RGL1: variants seen among roughly 807,000 people sequenced by gnomAD.
RGL1 encodes the protein ral guanine nucleotide dissociation stimulator-like 1.
Under a neutral mutation model 95.2 loss-of-function variants are expected in RGL1, and 24 were observed. That is an observed-to-expected ratio of 0.25 (90% confidence interval 0.18 to 0.35). RGL1 has a LOEUF of 0.35. RGL1 is among the 10% of genes least tolerant of loss of function. The pLI, the probability that RGL1 is intolerant of heterozygous loss-of-function variation, is 1.00. For missense variants in RGL1, 715 were observed against 936.3 expected, an observed-to-expected ratio of 0.76 and a Z score of 3.08; for synonymous variants, 329 against 344.9, an observed-to-expected ratio of 0.95 and a Z score of 0.51.
chr1:183,830,144 T>G (rs771403429), intron 2 of RGL1, among the ~76,000 whole-genome samples: 1 of 152,202 alleles, frequency 6.6e-6, no homozygotes, highest in Non-Finnish European at 1.5e-5. Context: ...CCTCCACTTA[T>G]GAGGATTTAA....
chr1:183,797,231 C>A (rs1040131542), intron 2 of RGL1, among the ~76,000 whole-genome samples: 1 of 151,968 alleles, frequency 6.6e-6, no homozygotes, highest in African/African-American at 2.4e-5. Flanking sequence ...TGGGAAGCTG[C>A]GGCAGGAGAA....
intron 1 of RGL1, among the ~76,000 whole-genome samples, chr1:183,699,642 GTGCAGGC>G (rs1182436565): frequency 6.6e-6 from 1 of 151,982 alleles, no homozygotes; most frequent in Non-Finnish European, 1.5e-5. Context: ...TCAATCGTAT[GTGCAGGC>G]TGCCTCTGAT....
chr1:183,843,857 C>A (rs964735241), intron 2 of RGL1, among the ~76,000 whole-genome samples: 2 of 151,770 alleles, frequency 1.3e-5, no homozygotes, highest in African/African-American at 4.8e-5. Context: ...GATGGAGTCT[C>A]GCTCTGTTGC....
At position 183,916,562 on chromosome 1, in the gene RGL1, A is replaced by G. The variant is rs752362845; in HGVS notation, c.1865A>G (p.Lys622Arg). The change falls in exon 16 of 18, where the codon AAA (lysine) becomes AGA (arginine). Residue 622 changes from lysine (K) to arginine (R), a missense_variant. Around this residue, in one of 3 missense-constraint regions of RGL1, gnomAD observed 330 missense variants for 429.6 expected, o/e 0.77. Transcript: ENST00000360851. ...SSPPSCNNNPKIHKRSVSVTS... is the reference protein window; with the variant it reads ...SSPPSCNNNPRIHKRSVSVTS... ...CCTCCGTCCTGCAACAACAACCCCAAAATCCACAAGCGCTCTGTCTCGGTG... is the reference window on the plus strand; with the variant it reads ...CCTCCGTCCTGCAACAACAACCCCAGAATCCACAAGCGCTCTGTCTCGGTG... 4 of 1,612,830 alleles carry G rather than the reference A, an allele frequency of 2.5e-6. No homozygotes were observed. Among genetic ancestry groups the G allele is most frequent in the East Asian group, 2.2e-5 (1 of 44,800 alleles).
intron 2 of RGL1, among the ~76,000 whole-genome samples, chr1:183,775,295 T>C (rs1402604445): frequency 6.6e-6 from 1 of 152,230 alleles, no homozygotes; most frequent in African/African-American, 2.4e-5. Context: ...TCTTGTACAG[T>C]AGAGAAACTT....
At chr1:183,861,205 T>C (rs1420373311) in intron 3 of RGL1, among the ~76,000 whole-genome samples, 1 of 152,136 alleles carries the variant, frequency 6.6e-6, no homozygotes, top group African/African-American at 2.4e-5. Flanking sequence ...ACTGCTGTTA[T>C]TATTGGATCA....
In RGL1 at chr1:183,666,507, C is replaced by G. The variant is rs564853121; in HGVS notation, c.-33+30006C>G. ...TTCCAAGTATTTTGGAATTTTCCAG[C>G]TATCTTTCTTTTTTCTTTTTTAAAA... On this transcript the variant is annotated intron_variant, in intron 1 of 18. Transcript: ENST00000304685. Among the ~76,000 whole-genome samples, 65 of 152,240 alleles carry G rather than the reference C, an allele frequency of 4.3e-4. 1 individual carries two copies. The highest frequency in any genetic ancestry group is 1.5e-3 in the African/African-American group (63 of 41,546).
intron 2 of RGL1, among the ~76,000 whole-genome samples, chr1:183,838,104 A>T (rs1663792153): frequency 6.6e-6 from 1 of 152,200 alleles, no homozygotes; most frequent in Admixed American, 6.5e-5. Context: ...TATCAGATGA[A>T]AGTGAAATTA....
chr1:183,775,866 T>C (rs970230089), intron 2 of RGL1, among the ~76,000 whole-genome samples: 5 of 152,186 alleles, frequency 3.3e-5, no homozygotes, highest in Admixed American at 3.3e-4. Flanking sequence ...ATATGGAAAA[T>C]TGTTAACATA....
At chr1:183,890,653 C>T (rs567771902) in intron 8 of RGL1, among the ~76,000 whole-genome samples, 4 of 152,252 alleles carry the variant, frequency 2.6e-5, no homozygotes, top group African/African-American at 9.6e-5. Context: ...AGTACTGATA[C>T]ATGGTGTAAC....
intron 1 of RGL1, among the ~76,000 whole-genome samples, chr1:183,732,164 C>T (rs1656666259): frequency 6.6e-6 from 1 of 152,104 alleles, no homozygotes; most frequent in Non-Finnish European, 1.5e-5. Context: ...AATGCTAAAT[C>T]TTATATTTGC....
intron 1 of RGL1, among the ~76,000 whole-genome samples, chr1:183,721,000 C>A (rs1291766335): frequency 2.6e-5 from 4 of 152,102 alleles, no homozygotes; most frequent in South Asian, 2.1e-4. Context: ...AAATAAAAAA[C>A]CCCTGAGATA....
intron 2 of RGL1, among the ~76,000 whole-genome samples, chr1:183,816,156 A>G (rs1359099010): frequency 6.6e-6 from 1 of 152,176 alleles, no homozygotes; most frequent in African/African-American, 2.4e-5. Flanking sequence ...AACATTTTGC[A>G]TTTGAAATTC....
At chr1:183,916,011 C>T (rs564196065) in intron 15 of RGL1, among the ~76,000 whole-genome samples, 46 of 152,310 alleles carry the variant, frequency 3.0e-4, no homozygotes, top group African/African-American at 1.1e-3. Context: ...CTCTTAGAAA[C>T]TTCTAAAAAT....
chr1:183,751,917 C>A (rs1464359933), intron 2 of RGL1, among the ~76,000 whole-genome samples: 2 of 152,126 alleles, frequency 1.3e-5, no homozygotes, highest in East Asian at 3.8e-4. Context: ...GAACTGGGTA[C>A]CTCAGTTGGA....
chr1:183,896,225 C>CT (rs1350266449), intron 9 of RGL1, among the ~76,000 whole-genome samples: 1 of 152,002 alleles, frequency 6.6e-6, no homozygotes, highest in Admixed American at 6.6e-5. Context: ...AGGCTGCTTT[C>CT]TTTTTTTTAG....
intron 4 of RGL1, among the ~76,000 whole-genome samples, chr1:183,868,193 TG>T (rs1232669898): frequency 6.6e-6 from 1 of 152,150 alleles, no homozygotes; most frequent in Non-Finnish European, 1.5e-5. Flanking sequence ...CATGGAATTT[TG>T]GGGAACAACA....
chr1:183,716,350 A>G (rs182447726), intron 1 of RGL1, among the ~76,000 whole-genome samples: 1 of 152,364 alleles, frequency 6.6e-6, no homozygotes, highest in East Asian at 1.9e-4. Flanking sequence ...TACTGGCTTA[A>G]TCATAAAAGA....
intron 9 of RGL1, among the ~76,000 whole-genome samples, chr1:183,894,042 C>T (rs1277281239): frequency 1.3e-5 from 2 of 152,210 alleles, no homozygotes; most frequent in Non-Finnish European, 2.9e-5. Flanking sequence ...ATTAACTGCA[C>T]ACTAAACAAT....
Sources: allele counts gnomAD v4.1 joint callset (sites outside exome capture counted in the v4.1 genomes callset), GRCh38; gene constraint gnomAD v4.1.1; regional missense constraint gnomAD v4.1.1; transcripts MANE v1.5; gene names NCBI Gene and HGNC (gene_info 2026-07-23, HGNC 2026-07-21).